The following CATSPERE variants were observed in gnomAD, a reference collection of about 807,000 sequenced individuals.
CATSPERE encodes the protein catsper channel auxiliary subunit epsilon.
A neutral mutation model predicts 114.1 loss-of-function variants in CATSPERE; 93 were observed. That is an observed-to-expected ratio of 0.81 (90% CI 0.69 to 0.97). The LOEUF (loss-of-function observed/expected upper bound fraction) is 0.97, where lower values mean the gene tolerates loss of function less well. CATSPERE is among the 50% of genes least tolerant of loss of function. The probability of loss-of-function intolerance (pLI) is 0.00; values close to 1 mark genes in which losing one functional copy is unlikely to be tolerated. For missense variants in CATSPERE, 1,058 were observed against 1,131.6 expected (o/e 0.93, Z 0.93); for synonymous variants, 341 against 384.1 (o/e 0.89, Z 1.31).
intron 6 of CATSPERE, among the ~76,000 whole-genome samples, chr1:244,492,224 C>T (rs1472875130): frequency 1.3e-5 from 2 of 151,852 alleles, no homozygotes; most frequent in African/African-American, 4.8e-5. Context: ...AATCCAGCAG[C>T]ACATCAAAAA....
In CATSPERE at chr1:244,552,790, G is replaced by A. The variant is rs749634016; in HGVS notation, c.1005G>A (p.Trp335Ter). 1 of 1,589,770 alleles carries A rather than the reference G, an allele frequency of 6.3e-7. No individual in the cohort carries two copies. Among genetic ancestry groups the A allele is most frequent in the South Asian group, 1.2e-5 (1 of 85,966 alleles). ...TTACTGGCATTTCATCAAGAAAATG[G>A]TGTTGGGTCAATTATTTATTAAAGG... ...GGITGISSRK[W>*]CWVNYLLKAK... The change falls in exon 9 of 22, where the codon TGG (tryptophan) becomes TGA (stop). Residue 335 changes from tryptophan (W) to a stop codon, truncating the protein, a stop_gained. Coordinates refer to ENST00000366534, the MANE Select transcript of CATSPERE (RefSeq NM_001130957.2). LOFTEE classifies it high-confidence loss of function.
upstream of CATSPERE, chr1:244,451,859 G>C (rs1413628930): frequency 6.6e-7 from 1 of 1,508,982 alleles, no homozygotes; most frequent in Non-Finnish European, 8.8e-7. The surrounding 1 kb of genome is among the most constrained non-coding windows in gnomAD (Gnocchi z 6.6). Flanking sequence ...GAGGCGGCCG[G>C]CGAGGAGTGA....
chr1:244,518,934 G>A (rs969865232), intron 8 of CATSPERE, among the ~76,000 whole-genome samples: 4 of 152,044 alleles, frequency 2.6e-5, no homozygotes, highest in African/African-American at 7.2e-5. Context: ...GCCTCATTCA[G>A]GTTGGTGGCA....
chr1:244,455,790 C>T (rs1406578110), intron 1 of CATSPERE, among the ~76,000 whole-genome samples: 1 of 151,706 alleles, frequency 6.6e-6, no homozygotes, highest in Non-Finnish European at 1.5e-5. Context: ...CACCACAGAC[C>T]CCGTTTTGGA....
chr1:244,600,193 G>A (rs975775871), intron 17 of CATSPERE, among the ~76,000 whole-genome samples: 10 of 152,130 alleles, frequency 6.6e-5, no homozygotes, highest in African/African-American at 9.7e-5. Context: ...TCTCAGAAGC[G>A]AAGAGAGAAC....
At chr1:244,564,088 T>C (rs1268671527) in intron 10 of CATSPERE, among the ~76,000 whole-genome samples, 1 of 152,194 alleles carries the variant, frequency 6.6e-6, no homozygotes, top group African/African-American at 2.4e-5. Context: ...TTCTGAGGCC[T>C]CTGTTCTGTT....
At chr1:244,460,350 T>A (rs1407099174), upstream of CATSPERE, among the ~76,000 whole-genome samples, 1 of 152,156 alleles carries the variant, frequency 6.6e-6, no homozygotes, top group Non-Finnish European at 1.5e-5. Flanking sequence ...ACCCTGCACT[T>A]GATGGATCAG....
At chr1:244,578,088 G>A (rs1665558566) in intron 11 of CATSPERE, among the ~76,000 whole-genome samples, 2 of 152,142 alleles carry the variant, frequency 1.3e-5, no homozygotes, top group East Asian at 1.9e-4. Flanking sequence ...TGAACAATGT[G>A]GGGATTGGGG....
At chr1:244,585,406 T>G (rs890120484) in intron 13 of CATSPERE, among the ~76,000 whole-genome samples, 5 of 152,140 alleles carry the variant, frequency 3.3e-5, no homozygotes, top group Non-Finnish European at 7.3e-5. Context: ...CCACTGCAGG[T>G]AGTTTGTCCT....
At chr1:244,474,632 A>T (rs1668993527) in intron 2 of CATSPERE, among the ~76,000 whole-genome samples, 1 of 150,982 alleles carries the variant, frequency 6.6e-6, no homozygotes, top group Admixed American at 6.6e-5. Flanking sequence ...CCTCTTCAGG[A>T]TCTCTGGATA....
chr1:244,476,532 T>C (rs1363653345), intron 2 of CATSPERE, among the ~76,000 whole-genome samples: 5 of 152,224 alleles, frequency 3.3e-5, no homozygotes, highest in African/African-American at 1.2e-4. Flanking sequence ...TTCTCTTTTT[T>C]CTTCTTATAC....
chr1:244,550,601 T>C (rs1660458301), intron 8 of CATSPERE, among the ~76,000 whole-genome samples: 2 of 152,210 alleles, frequency 1.3e-5, no homozygotes, highest in African/African-American at 4.8e-5. Context: ...AATGATACTG[T>C]GATTTAAGAA....
At chr1:244,585,032 A>G (rs573728931) in intron 13 of CATSPERE, among the ~76,000 whole-genome samples, 1 of 152,236 alleles carries the variant, frequency 6.6e-6, no homozygotes, top group East Asian at 1.9e-4. Flanking sequence ...GCCTTCCCGA[A>G]GCACCGTGGT....
At chr1:244,490,744 C>G (rs1299602383) in intron 6 of CATSPERE, among the ~76,000 whole-genome samples, 2 of 151,700 alleles carry the variant, frequency 1.3e-5, no homozygotes, top group Non-Finnish European at 2.9e-5. Flanking sequence ...GATGATTATC[C>G]AGCTGTCTTT....
upstream of CATSPERE, among the ~76,000 whole-genome samples, chr1:244,461,096 C>CT (rs11434002): frequency 0.65 from 99,211 of 151,494 alleles, 32,995 homozygotes; most frequent in African/African-American, 0.78. Flanking sequence ...TCTTTCCTTC[C>CT]TCCTTCCTTC....
rs1234319230 is a variant in CATSPERE, at chr1:244,508,287, T to A, written c.429+9208T>A. On this transcript the variant is annotated intron_variant, in intron 7 of 21. Coordinates refer to ENST00000366534, the MANE Select transcript of CATSPERE (RefSeq NM_001130957.2). ...AGTTTGTTATTGGTGTAAGAAACAC[T>A]ACTGTTTTTTCTTTTCTTTTTTTTT... Among the ~76,000 whole-genome samples, 5 of 151,472 alleles carry A rather than the reference T, an allele frequency of 3.3e-5. No homozygotes were observed. In the East Asian group the frequency reaches 9.7e-4, roughly 29 times the overall value.
At chr1:244,610,128 A>G in intron 18 of CATSPERE, 112 bp from the exon 19 acceptor site, 1 of 661,882 alleles carries the variant, frequency 1.5e-6, no homozygotes, top group Non-Finnish European at 2.6e-6. Flanking sequence ...CATTTAAATA[A>G]TGTAAGTTTT....
chr1:244,627,594 C>T (rs1312098878), intron 20 of CATSPERE, among the ~76,000 whole-genome samples: 1 of 151,898 alleles, frequency 6.6e-6, no homozygotes, highest in East Asian at 1.9e-4. Context: ...AATTGAAATA[C>T]TGTGAGAATT....
chr1:244,481,603 CTG>C (rs978087931), intron 5 of CATSPERE, among the ~76,000 whole-genome samples: 1 of 152,134 alleles, frequency 6.6e-6, no homozygotes, highest in Non-Finnish European at 1.5e-5. Context: ...TGCCATAAGA[CTG>C]TATGTTTGTG....
Sources: allele counts gnomAD v4.1 joint callset (sites outside exome capture counted in the v4.1 genomes callset), GRCh38; gene constraint gnomAD v4.1.1; non-coding constraint Gnocchi (gnomAD v3.1); transcripts MANE v1.5; gene names NCBI Gene and HGNC (gene_info 2026-07-23, HGNC 2026-07-21).